UTS2: variants seen among roughly 807,000 people sequenced by gnomAD.
The protein encoded by UTS2 is urotensin 2.
A neutral mutation model predicts 12.6 loss-of-function variants in UTS2; 10 were observed. The observed-to-expected ratio is 0.80, with a 90% CI of 0.49 to 1.35. UTS2 has a LOEUF of 1.35. UTS2 is among the 40% of genes most tolerant of loss of function. The pLI, the probability that UTS2 is intolerant of heterozygous loss-of-function variation, is 0.00. For synonymous variants in UTS2, 52 were observed against 50.0 expected, an observed-to-expected ratio of 1.04 and a Z score of -0.17; for missense variants, 142 against 143.2, an observed-to-expected ratio of 0.99 and a Z score of 0.04.
chr1:7,892,562 C>T, the UTS2 span, among the ~76,000 whole-genome samples: 31 of 148,572 alleles, frequency 2.1e-4, no homozygotes, highest in East Asian at 5.7e-3. Flanking sequence ...ACTGGAACCT[C>T]CACCTCCAAG....
chr1:7,880,035 T>C, the UTS2 span, among the ~76,000 whole-genome samples: 5 of 152,024 alleles, frequency 3.3e-5, no homozygotes, highest in Non-Finnish European at 5.9e-5. Context: ...AGGGGGAGCA[T>C]TGATTGAGCC....
chr1:7,911,339 G>C, the UTS2 span, among the ~76,000 whole-genome samples: 156 of 152,208 alleles, frequency 1.0e-3, no homozygotes, highest in African/African-American at 3.5e-3. Context: ...GGCTAAATAC[G>C]TTACTCATGT....
rs534319969 is a variant in UTS2, at chr1:7,849,776, C to T, written c.215-93G>A. ...ACAAAATAATATTACTAAATTATGT[C>T]TAGTTTCTGGTCTTTTTCCACACTG... is the stretch of plus-strand genomic sequence containing the variant. On this transcript the variant is annotated intron_variant, in intron 2 of 3. Coordinates refer to ENST00000361696, the MANE Select transcript of UTS2 (RefSeq NM_006786.4). 3.4e-6 allele frequency: 4 copies of T among 1,161,190 alleles called. No homozygotes were observed. The East Asian group carries it at 8.4e-5, about 24-fold the overall frequency. The allele number at this position is 1,161,190 out of a possible 1,614,324, so 71.9% of individuals were successfully genotyped here. A position where few individuals can be genotyped will look rare whatever the true frequency, so the allele number is the denominator to read the frequency against.
chr1:7,904,997 A>G, the UTS2 span, among the ~76,000 whole-genome samples: 1 of 151,902 alleles, frequency 6.6e-6, no homozygotes, highest in African/African-American at 2.4e-5. Flanking sequence ...CTTAGAAAAT[A>G]AACATTGCCA....
At position 7,852,956 on chromosome 1, in the gene UTS2, A is replaced by G. The variant is rs768662891; in HGVS notation, c.48T>C (p.Asn16=). 2.2e-5 allele frequency: 35 copies of G among 1,613,626 alleles called. No homozygotes were observed. The South Asian group carries it at 3.8e-4, about 18-fold the overall frequency. ...SCCLLFIGFL[N]PLLSLPLLDS... ...CAAGGAGAGGAAGAGATAAGAGAGGATTTAAGAATCCTATGAAAAGCAAAC... is the reference window on the plus strand; with the variant it reads ...CAAGGAGAGGAAGAGATAAGAGAGGGTTTAAGAATCCTATGAAAAGCAAAC... The change falls in exon 1 of 4, where the codon AAT becomes AAC. Residue 16 remains asparagine, a synonymous_variant. Coordinates refer to ENST00000361696, the MANE Select transcript of UTS2 (RefSeq NM_006786.4).
the UTS2 span, among the ~76,000 whole-genome samples, chr1:7,867,812 G>T: frequency 6.6e-6 from 1 of 152,188 alleles, no homozygotes; most frequent in African/African-American, 2.4e-5. Flanking sequence ...GGAGGTGGAA[G>T]TTGCAGTGAG....
the UTS2 span, among the ~76,000 whole-genome samples, chr1:7,863,009 T>C: frequency 9.6e-5 from 2 of 20,876 alleles, no homozygotes; most frequent in African/African-American, 3.2e-4. Context: ...TATTGTATTG[T>C]ATTGTATTGT....
chr1:7,897,687 A>G, the UTS2 span, among the ~76,000 whole-genome samples: 1 of 152,108 alleles, frequency 6.6e-6, no homozygotes, highest in Non-Finnish European at 1.5e-5. Context: ...CCCAGGTTCA[A>G]GCAATTCTCT....
the UTS2 span, among the ~76,000 whole-genome samples, chr1:7,885,976 C>T: frequency 4.0e-5 from 6 of 150,852 alleles, no homozygotes; most frequent in African/African-American, 1.5e-4. Flanking sequence ...GCCCCAGTTT[C>T]TTGCTCCATC....
the UTS2 span, among the ~76,000 whole-genome samples, chr1:7,864,204 C>G: frequency 2.0e-5 from 3 of 152,158 alleles, no homozygotes; most frequent in African/African-American, 7.2e-5. Context: ...AGTCCCAGAT[C>G]AAGGTGTCGG....
chr1:7,893,744 A>G, the UTS2 span, among the ~76,000 whole-genome samples: 19 of 152,216 alleles, frequency 1.2e-4, no homozygotes, highest in Admixed American at 9.8e-4. Context: ...TGCACCTAAC[A>G]CGGTATTGCC....
upstream of UTS2, among the ~76,000 whole-genome samples, chr1:7,853,830 C>T (rs188196382): frequency 2.0e-4 from 30 of 152,368 alleles, no homozygotes; most frequent in East Asian, 5.0e-3. Flanking sequence ...AGTCTGCCTT[C>T]GGGCCTGCCA....
At chr1:7,856,832 A>C (rs931068732), upstream of UTS2, among the ~76,000 whole-genome samples, 1 of 152,158 alleles carries the variant, frequency 6.6e-6, no homozygotes, top group African/African-American at 2.4e-5. Flanking sequence ...GGGCCGAGGC[A>C]GGTGCATCAC....
At chr1:7,901,604 C>CTGTG in the UTS2 span, among the ~76,000 whole-genome samples, 34 of 122,098 alleles carry the variant, frequency 2.8e-4, no homozygotes, top group African/African-American at 1.2e-3. Context: ...ATATATTCAT[C>CTGTG]TATGTGTGTG....
chr1:7,889,852 G>A, the UTS2 span, among the ~76,000 whole-genome samples: 1 of 152,086 alleles, frequency 6.6e-6, no homozygotes, highest in Non-Finnish European at 1.5e-5. Flanking sequence ...GGATCACGAG[G>A]TCAGGAGATC....
the UTS2 span, among the ~76,000 whole-genome samples, chr1:7,878,447 A>G: frequency 6.6e-6 from 1 of 152,262 alleles, no homozygotes; most frequent in African/African-American, 2.4e-5. Flanking sequence ...TAAGAGAGAA[A>G]GGAACAAAGG....
chr1:7,904,838 A>G, the UTS2 span, among the ~76,000 whole-genome samples: 1 of 129,884 alleles, frequency 7.7e-6, no homozygotes, highest in Admixed American at 9.8e-5. Flanking sequence ...CGGGAGGCAG[A>G]GGTTAGAGTA....
At chr1:7,880,974 G>A in the UTS2 span, among the ~76,000 whole-genome samples, 893 of 152,202 alleles carry the variant, frequency 5.9e-3, 12 homozygotes, top group African/African-American at 0.021. Context: ...TTTAGCCCAG[G>A]GATTCCGCAA....
the UTS2 span, among the ~76,000 whole-genome samples, chr1:7,905,559 G>C: frequency 5.0e-4 from 76 of 151,726 alleles, no homozygotes; most frequent in Non-Finnish European, 9.1e-4. Flanking sequence ...TTTGAATAAA[G>C]CAGATGGCCC....
Sources: gnomAD v4.1 joint callset for allele counts (sites outside exome capture counted in the v4.1 genomes callset) on GRCh38, gnomAD v4.1.1 for gene constraint, MANE v1.5 for transcripts, NCBI Gene and HGNC (gene_info 2026-07-23, HGNC 2026-07-21) for gene names.